ATG2B: variants seen among roughly 807,000 people sequenced by gnomAD.
ATG2B encodes the protein autophagy related 2B.
Under a neutral mutation model 241.3 loss-of-function variants are expected in ATG2B, and 121 were observed. That is an observed-to-expected ratio of 0.50 (90% CI 0.43 to 0.58). ATG2B has a LOEUF of 0.58. Among genes scored for constraint, ATG2B ranks in the 20% least tolerant of loss-of-function variants. The pLI, the probability that ATG2B is intolerant of heterozygous loss-of-function variation, is 0.00. For missense variants in ATG2B, 2,306 were observed against 2,491.6 expected (o/e 0.93, Z 1.59); for synonymous variants, 858 against 876.6 (o/e 0.98, Z 0.37).
chr14:96,308,370 C>T (rs1270805578), intron 29 of ATG2B, among the ~76,000 whole-genome samples: 2 of 143,196 alleles, frequency 1.4e-5, no homozygotes, highest in African/African-American at 5.2e-5. Context: ...CTGCAACCTC[C>T]GTCTCCTGGG....
In ATG2B at chr14:96,290,158, CTT is replaced by C; in HGVS notation, c.5856+276_5856+277del. ...GCCTTCTTCAAATTTAGCTACGATCCTTTCATACAAATATGGTGAAATCAATC... is the reference window on the plus strand; with the variant it reads ...GCCTTCTTCAAATTTAGCTACGATCCTCATACAAATATGGTGAAATCAATC... On this transcript the variant is annotated intron_variant, in intron 40 of 41. Transcript: ENST00000359933. The surrounding 1 kb of genome is among the most constrained non-coding windows in gnomAD (Gnocchi z 4.4). 1 of 1,257,340 alleles carries C rather than the reference CTT, an allele frequency of 8.0e-7. No individual in the cohort carries two copies. The highest frequency in any genetic ancestry group is 1.0e-6 in the Non-Finnish European group (1 of 996,848). The allele number at this position is 1,257,340 out of a possible 1,614,324, so 77.9% of individuals were successfully genotyped here. A position where few individuals can be genotyped will look rare whatever the true frequency, so the allele number is the denominator to read the frequency against.
intron 37 of ATG2B, 127 bp from the exon 38 acceptor site, chr14:96,291,809 G>T: frequency 2.9e-6 from 2 of 679,446 alleles, no homozygotes; most frequent in Non-Finnish European, 4.8e-6. Flanking sequence ...AATATTTACA[G>T]TAAAAATATA....
At chr14:96,347,518 GGA>G (rs1888201850) in intron 1 of ATG2B, among the ~76,000 whole-genome samples, 177 bp from the exon 2 acceptor site, 1 of 152,126 alleles carries the variant, frequency 6.6e-6, no homozygotes, top group Admixed American at 6.6e-5. Flanking sequence ...GCACAGCAAA[GGA>G]CACAATTAAC....
chr14:96,344,300 G>A (rs1279580999), intron 4 of ATG2B, among the ~76,000 whole-genome samples: 1 of 152,158 alleles, frequency 6.6e-6, no homozygotes, highest in Non-Finnish European at 1.5e-5. Context: ...TCACGTTAAT[G>A]AAATATGCCT....
At position 96,363,040 on chromosome 14, in the gene ATG2B, C is replaced by G. The variant is rs1888723534; in HGVS notation, c.-64G>C. 1.9e-6 allele frequency: 3 copies of G among 1,591,648 alleles called. No individual in the cohort carries two copies. The highest frequency in any genetic ancestry group is 4.5e-5 in the East Asian group (2 of 44,544). ...TGCGACGGCTCCGGCCTCGGGGTAG[C>G]GACTCCGGCTCCAGGCCGCGGCGGG... is the stretch of plus-strand genomic sequence containing the variant. On this transcript the variant is annotated 5_prime_UTR_variant, in exon 1 of 42. Transcript: ENST00000359933.
chr14:96,320,791 T>C (rs1887438737), intron 18 of ATG2B, among the ~76,000 whole-genome samples: 1 of 152,126 alleles, frequency 6.6e-6, no homozygotes. Context: ...TTTCCCTCAA[T>C]CTCAGCCTTG....
At chr14:96,350,320 T>C (rs933151831) in intron 1 of ATG2B, among the ~76,000 whole-genome samples, 1 of 151,910 alleles carries the variant, frequency 6.6e-6, no homozygotes, top group African/African-American at 2.4e-5. Flanking sequence ...CAGAAGAAAC[T>C]AGAAAAAAGC....
At position 96,362,985 on chromosome 14, in the gene ATG2B, C is replaced by T. The variant is rs763346192; in HGVS notation, c.-9G>A. On this transcript the variant is annotated 5_prime_UTR_variant, in exon 1 of 42. Coordinates refer to ENST00000359933, the MANE Select transcript of ATG2B (RefSeq NM_018036.7). ...GAAAACGGCCAAGGCATAGTGACTG[C>T]TGGCAGCTGGGCTGACTGCGGCTGC... The T allele has an allele frequency of 3.1e-6, 5 of 1,613,070 alleles. No individual in the cohort carries two copies. Among genetic ancestry groups the T allele is most frequent in the Non-Finnish European group, 4.2e-6 (5 of 1,179,826 alleles).
At position 96,341,622 on chromosome 14, in the gene ATG2B, G is replaced by A. The variant is rs199953315; in HGVS notation, c.824C>T (p.Pro275Leu). The A allele has an allele frequency of 3.3e-5, 53 of 1,602,144 alleles. No homozygotes were observed. The African/African-American group carries it at 4.8e-4, about 15-fold the overall frequency. ...EPHPQLTRNLPEIAPSDPVQI... is the reference protein window; with the variant it reads ...EPHPQLTRNLLEIAPSDPVQI... ...CACTGGGTCAGAAGGTGCTATCTCT[G>A]GTAAATTTCTAGTTAGCTGTGGGTG... The change falls in exon 6 of 42, where the codon CCA (proline) becomes CTA (leucine). Residue 275 changes from proline (P) to leucine (L), a missense_variant. Physicochemically the swap from Pro to Leu is moderately conservative, Grantham distance 98 (BLOSUM62 -3). Transcript: ENST00000359933.
At chr14:96,341,331 A>G (rs1888028618) in intron 6 of ATG2B, among the ~76,000 whole-genome samples, 191 bp downstream of exon 6, 1 of 152,224 alleles carries the variant, frequency 6.6e-6, no homozygotes, top group East Asian at 1.9e-4. Flanking sequence ...CAGTAGGGCA[A>G]AGGCAGTCCT....
chr14:96,287,249 G>T (rs549525832), intron 41 of ATG2B, among the ~76,000 whole-genome samples: 23 of 43,186 alleles, frequency 5.3e-4, no homozygotes, highest in Admixed American at 7.2e-4. Context: ...GCGAGACTCC[G>T]TCTCAAAAAA....
intron 2 of ATG2B, among the ~76,000 whole-genome samples, 188 bp from the exon 3 acceptor site, chr14:96,345,573 G>A (rs986895336): frequency 6.6e-6 from 1 of 151,828 alleles, no homozygotes; most frequent in African/African-American, 2.4e-5. Flanking sequence ...TAATAACCAA[G>A]AAGGAAAAAA....
chr14:96,329,440 T>C lies in ATG2B; in HGVS notation c.1881+44A>G, dbSNP rs771609774. On this transcript the variant is annotated intron_variant, in intron 12 of 41. Transcript: ENST00000359933. ...CTCATACAATCATTAAAAAGCAAGG[T>C]AGATTTAAAAAATAATCTTAAAGAA... 2.9e-6 allele frequency: 4 copies of C among 1,391,354 alleles called. No homozygotes were observed. The African/African-American group carries it at 4.4e-5, about 15-fold the overall frequency. The allele number at this position is 1,391,354 out of a possible 1,614,324, so 86.2% of individuals were successfully genotyped here. A position where few individuals can be genotyped will look rare whatever the true frequency, so the allele number is the denominator to read the frequency against.
intron 36 of ATG2B, 51 bp from the exon 37 acceptor site, chr14:96,292,149 T>C (rs1343980642): frequency 9.0e-7 from 1 of 1,111,120 alleles, no homozygotes; most frequent in Non-Finnish European, 1.3e-6. Flanking sequence ...TACTAATAGG[T>C]GAAATTAGAT....
At chr14:96,305,105 G>A (rs1358727066) in intron 31 of ATG2B, among the ~76,000 whole-genome samples, 4 of 152,140 alleles carry the variant, frequency 2.6e-5, no homozygotes, top group African/African-American at 9.7e-5. Flanking sequence ...AAGGAAGTCT[G>A]CCCCCTACAG....
chr14:96,286,050 A>G, intron 41 of ATG2B, 65 bp from the exon 42 acceptor site: 1 of 1,307,882 alleles, frequency 7.6e-7, no homozygotes, highest in Non-Finnish European at 1.1e-6. Context: ...AAAACTCTCT[A>G]AGCTATCCTG....
rs1018773697 is a variant in ATG2B at position 96,285,501 on chromosome 14, T to C, written c.*254A>G. Reference sequence around the variant, plus strand: ...ACAGTCATCTTAACAAAAGTGAGCCTTCCACTAACTTGGCAGCAAATGCTT... The same window carrying C: ...ACAGTCATCTTAACAAAAGTGAGCCCTCCACTAACTTGGCAGCAAATGCTT... On this transcript the variant is annotated 3_prime_UTR_variant, in exon 42 of 42. Coordinates refer to ENST00000359933, the MANE Select transcript of ATG2B (RefSeq NM_018036.7). The surrounding 1 kb of genome is among the most constrained non-coding windows in gnomAD (Gnocchi z 4.2). The C allele has an allele frequency of 4.0e-6, 2 of 499,714 alleles. No individual in the cohort carries two copies. Among genetic ancestry groups the C allele is most frequent in the East Asian group, 3.6e-5 (1 of 28,116 alleles). The allele number at this position is 499,714 out of a possible 1,614,324, so 31.0% of individuals were successfully genotyped here. A position where few individuals can be genotyped will look rare whatever the true frequency, so the allele number is the denominator to read the frequency against.
At position 96,334,509 on chromosome 14, in the gene ATG2B, G is replaced by GA. The variant is rs757144200; in HGVS notation, c.925-9dup. The stretch of plus-strand genomic sequence containing the variant: ...CTGTCCATCAACATCCAACTTAAGG[G>GA]AAAAAAAAAAACTATTCATGAGGAG... On this transcript the variant is annotated splice_polypyrimidine_tract_variant and intron_variant, in intron 6 of 41. Transcript: ENST00000359933. 0.038 allele frequency: 43,706 copies of GA among 1,135,766 alleles called. No homozygotes were observed. The highest frequency in any genetic ancestry group is 0.058 in the South Asian group (3,145 of 54,600). 70.4% of individuals were successfully genotyped at this position (1,135,766 alleles called of 1,614,324 possible).
rs1274082148 is a variant in ATG2B, at chr14:96,295,693, T to G, written c.5140-133A>C. ...TAGCTACAATTTATTGAATTCTTTCTCCATGCTAGTCATTATTCCTATTCT... is the reference window on the plus strand; with the variant it reads ...TAGCTACAATTTATTGAATTCTTTCGCCATGCTAGTCATTATTCCTATTCT... On this transcript the variant is annotated intron_variant, in intron 34 of 41. Coordinates refer to ENST00000359933, the MANE Select transcript of ATG2B (RefSeq NM_018036.7). The G allele has an allele frequency of 7.1e-6, 4 of 566,698 alleles. No homozygotes were observed. In the East Asian group the frequency reaches 1.2e-4, roughly 17 times the overall value. The allele number at this position is 566,698 out of a possible 1,614,324, so 35.1% of individuals were successfully genotyped here.
Sources: gnomAD v4.1 joint callset for allele counts (sites outside exome capture counted in the v4.1 genomes callset) on GRCh38, gnomAD v4.1.1 for gene constraint, Gnocchi (gnomAD v3.1) non-coding constraint, MANE v1.5 for transcripts, NCBI Gene and HGNC (gene_info 2026-07-23, HGNC 2026-07-21) for gene names.